Variants in CASP8 observed in about 807,000 individuals in gnomAD.
The protein encoded by CASP8 is caspase-8.
Under a neutral mutation model 46.3 loss-of-function variants are expected in CASP8, and 24 were observed. That is an observed-to-expected ratio of 0.52 (90% confidence interval 0.38 to 0.73). The LOEUF (loss-of-function observed/expected upper bound fraction) is 0.73. Among genes scored for constraint, CASP8 ranks in the 30% least tolerant of loss-of-function variants. CASP8 has a pLI of 0.00. For synonymous variants in CASP8, 188 were observed against 200.4 expected (o/e 0.94, Z 0.52); for missense variants, 460 against 559.0 (o/e 0.82, Z 1.79).
At chr2:201,263,538 GC>G (rs1445365337) in intron 1 of CASP8, among the ~76,000 whole-genome samples, 11 of 152,066 alleles carry the variant, frequency 7.2e-5, no homozygotes, top group Admixed American at 5.2e-4. Context: ...ATATTACTGG[GC>G]ATTTATATTT....
At position 201,239,328 on chromosome 2, in the gene CASP8, C is replaced by T. The variant is rs901146378; in HGVS notation, c.-27+5216C>T. ...GTGGCCGGGCAGAGGGGCTCCTCAC[C>T]TCCCAGTAGGGGCGGCCGGGCAGAG... On this transcript the variant is annotated intron_variant, in intron 2 of 6. Transcript: ENST00000264274. 9.2e-5 allele frequency among the ~76,000 whole-genome samples: 14 copies of T among 152,252 alleles called. No individual in the cohort carries two copies. In the East Asian group the frequency reaches 9.7e-4, roughly 11 times the overall value.
chr2:201,267,140 T>G (rs1947878157), intron 2 of CASP8, among the ~76,000 whole-genome samples: 1 of 152,144 alleles, frequency 6.6e-6, no homozygotes, highest in African/African-American at 2.4e-5. Flanking sequence ...AAATAAAAAT[T>G]TATTTTTCAA....
rs757900539 is a variant in CASP8, at chr2:201,266,840, C to G, written c.305+49C>G. ...GACTGGGAGGTGTGGGTTGAATGGA[C>G]AGCCTCTGAGCTGATTGGGGCTTTT... On this transcript the variant is annotated intron_variant, in intron 2 of 8. Coordinates refer to ENST00000673742, the MANE Select transcript of CASP8 (RefSeq NM_001372051.1). This position sits in a 1 kb window ranked among gnomAD's most constrained non-coding sequence, Gnocchi z 5.7. The G allele has an allele frequency of 5.4e-6, 8 of 1,469,668 alleles. No individual in the cohort carries two copies. In the South Asian group the frequency reaches 9.5e-5, roughly 17 times the overall value. The allele number at this position is 1,469,668 out of a possible 1,614,324, so 91.0% of individuals were successfully genotyped here.
intron 2 of CASP8, chr2:201,240,646 CAG>C (rs1576192480): frequency 6.6e-6 from 1 of 152,122 alleles, no homozygotes; most frequent in African/African-American, 2.4e-5. Flanking sequence ...AATAAGGAAA[CAG>C]GGGACTTAAA....
At chr2:201,262,643 T>C (rs1947504590) in intron 1 of CASP8, among the ~76,000 whole-genome samples, 1 of 152,220 alleles carries the variant, frequency 6.6e-6, no homozygotes, top group Non-Finnish European at 1.5e-5. Flanking sequence ...TTCTCTGTAC[T>C]TTCTCTATGA....
upstream of CASP8, among the ~76,000 whole-genome samples, chr2:201,259,916 T>G (rs77752826): frequency 0.043 from 6,441 of 151,328 alleles, 309 homozygotes; most frequent in African/African-American, 0.12. Flanking sequence ...TTTTAGAATT[T>G]TTTTATTTCA....
chr2:201,257,566 G>A (rs1947083695), upstream of CASP8, among the ~76,000 whole-genome samples: 1 of 151,944 alleles, frequency 6.6e-6, no homozygotes, highest in African/African-American at 2.4e-5. Context: ...CAACACTCCA[G>A]GATCAATGCT....
In CASP8 at chr2:201,272,678, T is replaced by C. The variant is rs367807709; in HGVS notation, c.452T>C (p.Ile151Thr). 22 of 1,614,118 alleles carry C rather than the reference T, an allele frequency of 1.4e-5. No homozygotes were observed. The highest frequency in any genetic ancestry group is 1.8e-5 in the Non-Finnish European group (21 of 1,179,982). ...DIFIEMEKRV[I>T]LGEGKLDILK... is the part of the protein sequence containing the mutation. ...TTCATAGAGATGGAGAAGAGGGTCA[T>C]CCTGGGAGAAGGAAAGTTGGACATC... The change falls in exon 4 of 9, where the codon ATC becomes ACC. Residue 151 changes from isoleucine to threonine, a missense_variant. Physicochemically the swap from Ile to Thr is moderately conservative, Grantham distance 89 (BLOSUM62 -1). Coordinates refer to ENST00000673742, the MANE Select transcript of CASP8 (RefSeq NM_001372051.1). The surrounding 1 kb of genome is among the most constrained non-coding windows in gnomAD (Gnocchi z 4.4).
chr2:201,274,801 T>A, intron 5 of CASP8, 88 bp from the exon 6 acceptor site: 1 of 1,037,938 alleles, frequency 9.6e-7, no homozygotes, highest in Non-Finnish European at 1.5e-6. Flanking sequence ...AAAAAAGACC[T>A]TATGTTGTCC....
At chr2:201,259,977 GTTT>G (rs546171439), upstream of CASP8, among the ~76,000 whole-genome samples, 2 of 136,410 alleles carry the variant, frequency 1.5e-5, no homozygotes, top group African/African-American at 5.4e-5. Flanking sequence ...TCTTTTTAGA[GTTT>G]TTTTTTTTTT....
At chr2:201,273,760 G>A (rs1029661916) in intron 5 of CASP8, among the ~76,000 whole-genome samples, 13 of 150,986 alleles carry the variant, frequency 8.6e-5, no homozygotes, top group Admixed American at 6.6e-4. Flanking sequence ...CAACAGCCTC[G>A]ACCTCCTGGA....
At chr2:201,278,540 CTTT>C (rs768024144) in intron 7 of CASP8, among the ~76,000 whole-genome samples, 3 of 143,174 alleles carry the variant, frequency 2.1e-5, no homozygotes, top group Non-Finnish European at 3.1e-5. Context: ...TGTATTTTTT[CTTT>C]TTTTTTTTTT....
upstream of CASP8, chr2:201,258,138 G>GGGA (rs1947116100): frequency 1.4e-6 from 2 of 1,403,146 alleles, no homozygotes; most frequent in African/African-American, 2.8e-5. Context: ...TTCTGCTGGA[G>GGGA]GGAAGTGTTT....
At chr2:201,235,213 A>T (rs890939170) in intron 2 of CASP8, among the ~76,000 whole-genome samples, 1 of 152,132 alleles carries the variant, frequency 6.6e-6, no homozygotes, top group African/African-American at 2.4e-5. Context: ...TGTCTGCCTT[A>T]TGTGATATTA....
chr2:201,282,964 T>C (rs1576375679), intron 7 of CASP8, among the ~76,000 whole-genome samples: 1 of 55,868 alleles, frequency 1.8e-5, no homozygotes, highest in Non-Finnish European at 4.2e-5. Context: ...CCCACCTCCC[T>C]CCCGGACGGG....
chr2:201,241,310 T>C lies in CASP8; in HGVS notation c.-27+7198T>C, dbSNP rs1365490191. 4 of 152,136 alleles carry C rather than the reference T, an allele frequency of 2.6e-5. No homozygotes were observed. The East Asian group carries it at 7.7e-4, about 29-fold the overall frequency. 9.4% of individuals were successfully genotyped at this position (152,136 alleles called of 1,614,324 possible). On this transcript the variant is annotated intron_variant, in intron 2 of 6. Transcript: ENST00000264274. The stretch of plus-strand genomic sequence containing the variant: ...AAGATAAACAAAATCAACAAATCCC[T>C]AGTTAGGCTAAGTAAGAAAGAGAGA...
At chr2:201,273,070 T>C (rs539394374) in intron 5 of CASP8, 128 bp downstream of exon 5, 24 of 831,468 alleles carry the variant, frequency 2.9e-5, no homozygotes, top group African/African-American at 8.7e-5. Flanking sequence ...TTTTTTTTTT[T>C]TTTTTGTGAG....
chr2:201,247,851 A>G (rs1174484917), intron 2 of CASP8, among the ~76,000 whole-genome samples: 5 of 152,220 alleles, frequency 3.3e-5, no homozygotes, highest in African/African-American at 9.6e-5. Context: ...TCACTGTTTT[A>G]GCCAGGATAG....
intron 2 of CASP8, among the ~76,000 whole-genome samples, chr2:201,236,857 C>T (rs764392643): frequency 2.0e-5 from 3 of 152,198 alleles, no homozygotes; most frequent in Non-Finnish European, 2.9e-5. Flanking sequence ...CCATCTGCCT[C>T]GGCTGCCCAA....
Sources: allele counts gnomAD v4.1 joint callset (sites outside exome capture counted in the v4.1 genomes callset), GRCh38; gene constraint gnomAD v4.1.1; non-coding constraint Gnocchi (gnomAD v3.1); transcripts MANE v1.5; gene names NCBI Gene and HGNC (gene_info 2026-07-23, HGNC 2026-07-21).